MACF1: variants seen among roughly 807,000 people sequenced by gnomAD.
MACF1 encodes microtubule actin crosslinking factor 1.
A neutral mutation model predicts 854.8 loss-of-function variants in MACF1; 193 were observed. The observed-to-expected ratio is 0.23, with a 90% confidence interval of 0.20 to 0.25. The LOEUF (loss-of-function observed/expected upper bound fraction) is 0.25. Among genes scored for constraint, MACF1 ranks in the 10% least tolerant of loss-of-function variants. MACF1 has a pLI of 1.00. For missense variants in MACF1, 7,722 were observed against 8,929.1 expected (o/e 0.86, Z 5.45); for synonymous variants, 3,185 against 3,226.7 (o/e 0.99, Z 0.44).
intron 47 of MACF1, 133 bp downstream of exon 47, chr1:39,359,397 C>A: frequency 9.9e-7 from 1 of 1,005,358 alleles, no homozygotes; most frequent in Admixed American, 2.5e-5. Context: ...CATGAATAGA[C>A]ATAGATTGTC....
At chr1:39,317,468 A>G (rs1205946559) in intron 29 of MACF1, 61 bp downstream of exon 29, 2 of 1,526,594 alleles carry the variant, frequency 1.3e-6, no homozygotes, top group East Asian at 4.5e-5. Context: ...TTAAACAAAA[A>G]CAGAGTTATA....
In MACF1 at chr1:39,463,677, T is replaced by A. The variant is rs1312324967; in HGVS notation, c.21744T>A (p.Asn7248Lys). The A allele has an allele frequency of 6.2e-7, 1 of 1,612,656 alleles. No individual in the cohort carries two copies. Among genetic ancestry groups the A allele is most frequent in the Non-Finnish European group, 8.5e-7 (1 of 1,179,006 alleles). Residue 7248 changes from asparagine to lysine, a missense_variant, in exon 94 of 101, where the codon AAT (asparagine) becomes AAA (lysine). By Grantham distance (94) the Asn-to-Lys change is moderately conservative (BLOSUM62 0). Coordinates refer to ENST00000564288, the MANE Select transcript of MACF1 (RefSeq NM_001394062.1). ...KRFQVEQIGENKYRFFLGNQF... is the reference protein window; with the variant it reads ...KRFQVEQIGEKKYRFFLGNQF... ...TTCAGGTGGAGCAGATCGGAGAGAA[T>A]AAATACCGGGTAAGGAAGAGAAAAA...
chr1:39,242,736 C>CAA (rs36020944), intron 2 of MACF1, among the ~76,000 whole-genome samples: 4 of 135,344 alleles, frequency 3.0e-5, no homozygotes, highest in East Asian at 2.1e-4. Context: ...ACCCTATCTC[C>CAA]AAAAAAAAAA....
chr1:39,381,378 T>TTTGG (rs1553330389), intron 55 of MACF1, among the ~76,000 whole-genome samples: 20 of 102,044 alleles, frequency 2.0e-4, no homozygotes, highest in East Asian at 4.0e-4. Flanking sequence ...TTTTTTTTTT[T>TTTGG]GGGGGGGGGG....
At chr1:39,213,148 A>G (rs900448529) in intron 1 of MACF1, among the ~76,000 whole-genome samples, 1 of 152,212 alleles carries the variant, frequency 6.6e-6, no homozygotes, top group Non-Finnish European at 1.5e-5. Context: ...TGGAAATGAT[A>G]ATATCTTTCT....
At chr1:39,477,322 T>C (rs1644928285) in intron 97 of MACF1, among the ~76,000 whole-genome samples, 1 of 151,810 alleles carries the variant, frequency 6.6e-6, no homozygotes, top group Non-Finnish European at 1.5e-5. Flanking sequence ...CTTCCCAGGC[T>C]CAAGCAATCC....
At chr1:39,123,625 A>G (rs1326210023) in intron 2 of MACF1, among the ~76,000 whole-genome samples, 6 of 150,666 alleles carry the variant, frequency 4.0e-5, no homozygotes, top group South Asian at 4.2e-4. Flanking sequence ...TGCAGCCTCA[A>G]TCTCCCCGGG....
chr1:39,323,953 A>G (rs970268661), intron 33 of MACF1, among the ~76,000 whole-genome samples: 1 of 152,200 alleles, frequency 6.6e-6, no homozygotes, highest in Non-Finnish European at 1.5e-5. Flanking sequence ...CCTATTATAT[A>G]TAAAACAGTG....
Position 39,285,341 on chromosome 1 carries a change from C to T in MACF1, c.1304C>T (p.Ala435Val), listed in dbSNP as rs1645622101. Residue 435 changes from alanine to valine, a missense_variant, in exon 13 of 101, where the codon GCT becomes GTT. Ala to Val is a moderately conservative substitution (Grantham distance 64). Transcript: ENST00000564288. ...LQIANKIQNG[A>V]LNCEEKLTLA... ...ATTGCAAACAAAATCCAGAATGGTG[C>T]TTTGAACTGTGAAGAAAAACTGACA... 1 of 1,614,042 alleles carries T rather than the reference C, an allele frequency of 6.2e-7. No homozygotes were observed. The highest frequency in any genetic ancestry group is 1.7e-5 in the Admixed American group (1 of 60,006).
intron 1 of MACF1, among the ~76,000 whole-genome samples, chr1:39,221,541 CTCTT>C (rs1250976950): frequency 6.6e-6 from 1 of 152,148 alleles, no homozygotes; most frequent in Non-Finnish European, 1.5e-5. Flanking sequence ...AATCGGTAAC[CTCTT>C]TCTGTTTTCA....
At chr1:39,300,138 A>G in intron 21 of MACF1, 72 bp from the exon 22 acceptor site, 1 of 1,482,964 alleles carries the variant, frequency 6.7e-7, no homozygotes. Flanking sequence ...TGGAGTATTC[A>G]GTTTTCTTTG....
chr1:39,385,284 T>C, intron 56 of MACF1, 150 bp from the exon 57 acceptor site: 1 of 808,176 alleles, frequency 1.2e-6, no homozygotes, highest in Non-Finnish European at 1.9e-6. Context: ...GCCAGGCTAG[T>C]CTTGAACTCC....
intron 58 of MACF1, 76 bp from the exon 59 acceptor site, chr1:39,422,298 G>A: frequency 1.7e-6 from 2 of 1,171,862 alleles, no homozygotes; most frequent in East Asian, 2.4e-5. Context: ...AATGCCCCAA[G>A]AATAACCAGT....
rs182097480 is a variant in MACF1, at chr1:39,406,508, G to C, written c.15817-15866G>C. Among the ~76,000 whole-genome samples, 215 of 152,256 alleles carry C rather than the reference G, an allele frequency of 1.4e-3. 2 individuals carry two copies. The highest frequency in any genetic ancestry group is 5.0e-3 in the African/African-American group (207 of 41,530). On this transcript the variant is annotated intron_variant, in intron 58 of 100. Transcript: ENST00000564288. Reference sequence around the variant, plus strand: ...AATCCCAGCACTTTGGGAGGCTGAGGTGAGTGGATCACCTGAGGTCAGGTC... The same window carrying C: ...AATCCCAGCACTTTGGGAGGCTGAGCTGAGTGGATCACCTGAGGTCAGGTC...
chr1:39,088,577 C>A (rs1301857848), intron 2 of MACF1, among the ~76,000 whole-genome samples: 1 of 152,172 alleles, frequency 6.6e-6, no homozygotes, highest in Non-Finnish European at 1.5e-5. Flanking sequence ...TTTGCCTCTT[C>A]CCCTCTGGCT....
intron 58 of MACF1, among the ~76,000 whole-genome samples, chr1:39,388,869 C>CT (rs1641904532): frequency 8.3e-6 from 1 of 120,074 alleles, no homozygotes; most frequent in African/African-American, 3.9e-5. Flanking sequence ...TCTTCTTCTT[C>CT]TTCTTTTTTT....
intron 99 of MACF1, among the ~76,000 whole-genome samples, chr1:39,482,238 A>G (rs982155567): frequency 3.3e-4 from 51 of 152,244 alleles, no homozygotes; most frequent in African/African-American, 1.2e-3. Flanking sequence ...GTGGTCTTCC[A>G]GCAGCAGTGC....
intron 6 of MACF1, among the ~76,000 whole-genome samples, chr1:39,263,784 T>TTC (rs1392116364): frequency 2.2e-5 from 3 of 139,308 alleles, no homozygotes; most frequent in Admixed American, 2.1e-4. Context: ...TTTTTTTTTT[T>TTC]TTTTTTTGAG....
chr1:39,307,727 C>T (rs1014044369), intron 23 of MACF1, among the ~76,000 whole-genome samples: 4 of 151,096 alleles, frequency 2.6e-5, no homozygotes, highest in Non-Finnish European at 4.4e-5. Context: ...CACACACCAC[C>T]ACACCCAGCT....
Sources: allele counts gnomAD v4.1 joint callset (sites outside exome capture counted in the v4.1 genomes callset), GRCh38; gene constraint gnomAD v4.1.1; transcripts MANE v1.5; gene names NCBI Gene and HGNC (gene_info 2026-07-23, HGNC 2026-07-21).